The following ZNF385D variants were observed in gnomAD, a reference collection of about 807,000 sequenced individuals.
ZNF385D encodes zinc finger protein 385D, also known as zinc finger protein 659.
In ZNF385D, 15 loss-of-function variants were observed where a neutral mutation model predicts 35.8. The observed-to-expected ratio is 0.42, with a 90% confidence interval of 0.28 to 0.64. The LOEUF (loss-of-function observed/expected upper bound fraction) is 0.64. Among genes scored for constraint, ZNF385D ranks in the 30% least tolerant of loss-of-function variants. The pLI, the probability that ZNF385D is intolerant of heterozygous loss-of-function variation, is 0.23. For missense variants in ZNF385D, 474 were observed against 494.6 expected (o/e 0.96, Z 0.39); for synonymous variants, 212 against 186.8 (o/e 1.13, Z -1.10).
intron 3 of ZNF385D, among the ~76,000 whole-genome samples, chr3:21,857,290 T>C (rs911500386): frequency 1.1e-4 from 16 of 152,080 alleles, no homozygotes; most frequent in African/African-American, 3.4e-4. Context: ...CATGATTGGA[T>C]TGAAGGATGC....
chr3:21,581,958 T>C (rs1042868939), intron 2 of ZNF385D, among the ~76,000 whole-genome samples: 8 of 152,170 alleles, frequency 5.3e-5, no homozygotes, highest in African/African-American at 1.9e-4. Context: ...CTTTCTTAGA[T>C]TAAAATTTTT....
At chr3:21,495,045 T>C (rs1436282426) in intron 4 of ZNF385D, among the ~76,000 whole-genome samples, 2 of 152,168 alleles carry the variant, frequency 1.3e-5, no homozygotes, top group African/African-American at 4.8e-5. Context: ...AGAGTGAAGA[T>C]ATCTTAAGGC....
intron 2 of ZNF385D, among the ~76,000 whole-genome samples, chr3:22,191,479 C>T (rs1197818359): frequency 6.9e-6 from 1 of 144,674 alleles, no homozygotes; most frequent in African/African-American, 2.6e-5. Flanking sequence ...AAGAGTGAAA[C>T]TCCATCTAAG....
chr3:21,412,554 G>C lies in ZNF385D; in HGVS notation c.*8660C>G, dbSNP rs886142112. 1 of 151,992 alleles carries C rather than the reference G, an allele frequency of 6.6e-6. No homozygotes were observed. The highest frequency in any genetic ancestry group is 1.5e-5 in the Non-Finnish European group (1 of 67,974). The allele number at this position is 151,992 out of a possible 1,614,324, so 9.4% of individuals were successfully genotyped here. A position where few individuals can be genotyped will look rare whatever the true frequency, so the allele number is the denominator to read the frequency against. The stretch of plus-strand genomic sequence containing the variant: ...ACCATTTTGATTCCACAAACCAAGC[G>C]AAGAATAAGGACATGAACAGACCAA... On this transcript the variant is annotated 3_prime_UTR_variant, in exon 8 of 8. Coordinates refer to ENST00000281523, the MANE Select transcript of ZNF385D (RefSeq NM_024697.3).
intron 3 of ZNF385D, among the ~76,000 whole-genome samples, chr3:21,899,735 G>T (rs1185374804): frequency 2.6e-5 from 4 of 151,926 alleles, no homozygotes; most frequent in Non-Finnish European, 2.9e-5. Context: ...CTTTATATTT[G>T]CTCCTACTAA....
At chr3:21,786,979 C>G (rs775994309) in intron 3 of ZNF385D, among the ~76,000 whole-genome samples, 1 of 152,080 alleles carries the variant, frequency 6.6e-6, no homozygotes, top group Admixed American at 6.5e-5. Flanking sequence ...GAATTGAACA[C>G]GTGTTTATCT....
chr3:21,957,543 G>C (rs147233052), intron 3 of ZNF385D, among the ~76,000 whole-genome samples: 1 of 152,102 alleles, frequency 6.6e-6, no homozygotes, highest in African/African-American at 2.4e-5. Flanking sequence ...GGTGACTCTT[G>C]TTTTGTTTTA....
rs77576957 is a variant in ZNF385D at position 21,461,875 on chromosome 3, A to G, written c.440-24672T>C. On this transcript the variant is annotated intron_variant, in intron 4 of 7. Transcript: ENST00000281523. Reference sequence around the variant, plus strand: ...TTGCTGCTGAAACTTGGACAAAGACATATCTGTGGCCTTATTAATATTATT... The same window carrying G: ...TTGCTGCTGAAACTTGGACAAAGACGTATCTGTGGCCTTATTAATATTATT... Among the ~76,000 whole-genome samples the G allele has an allele frequency of 1.2e-3, 184 of 152,314 alleles. 4 individuals are homozygous for G. The East Asian group carries it at 0.032, about 26-fold the overall frequency.
At chr3:21,989,449 T>C (rs1695024103) in intron 3 of ZNF385D, among the ~76,000 whole-genome samples, 2 of 152,334 alleles carry the variant, frequency 1.3e-5, no homozygotes, top group Non-Finnish European at 2.9e-5. Context: ...AAACTAATTA[T>C]TTGTGGATTA....
At chr3:21,441,215 CACTCA>C (rs1701841523) in intron 4 of ZNF385D, among the ~76,000 whole-genome samples, 1 of 152,040 alleles carries the variant, frequency 6.6e-6, no homozygotes, top group African/African-American at 2.4e-5. Flanking sequence ...ATGAAATGGG[CACTCA>C]ATAAATATTA....
chr3:22,212,490 GT>G (rs1156444247), intron 2 of ZNF385D, among the ~76,000 whole-genome samples: 1 of 151,988 alleles, frequency 6.6e-6, no homozygotes, highest in African/African-American at 2.4e-5. Context: ...TTGGAAGCAC[GT>G]TAGCAACGTT....
chr3:22,266,954 T>A (rs550256216), intron 2 of ZNF385D, among the ~76,000 whole-genome samples: 1 of 151,878 alleles, frequency 6.6e-6, no homozygotes, highest in Non-Finnish European at 1.5e-5. Flanking sequence ...GTAACGACAA[T>A]AAATATAGTA....
chr3:21,728,396 C>T (rs9825427), intron 1 of ZNF385D, among the ~76,000 whole-genome samples: 5,806 of 151,974 alleles, frequency 0.038, 212 homozygotes, highest in African/African-American at 0.093. Flanking sequence ...CAGAATTTAA[C>T]GTTTTACCAG....
intron 3 of ZNF385D, among the ~76,000 whole-genome samples, chr3:21,868,872 T>A (rs1005440879): frequency 6.6e-6 from 1 of 152,242 alleles, no homozygotes; most frequent in East Asian, 1.9e-4. Flanking sequence ...ATCTGTTACA[T>A]GGACACTCGA....
intron 1 of ZNF385D, among the ~76,000 whole-genome samples, chr3:21,715,606 G>C (rs890836861): frequency 2.7e-5 from 4 of 150,666 alleles, no homozygotes; most frequent in African/African-American, 7.3e-5. Context: ...TTTTTCCTTT[G>C]AGTAGACACC....
intron 2 of ZNF385D, among the ~76,000 whole-genome samples, chr3:22,342,325 A>G (rs1695464808): frequency 6.6e-6 from 1 of 150,604 alleles, no homozygotes; most frequent in African/African-American, 2.4e-5. Flanking sequence ...ACTATCAATG[A>G]TAATTTCATT....
At chr3:22,231,788 G>A (rs1418996290) in intron 2 of ZNF385D, among the ~76,000 whole-genome samples, 1 of 152,056 alleles carries the variant, frequency 6.6e-6, no homozygotes, top group Non-Finnish European at 1.5e-5. Context: ...CAATGTTGAA[G>A]GTGGGCCCTG....
chr3:21,472,795 G>T (rs979923395), intron 4 of ZNF385D, among the ~76,000 whole-genome samples: 2 of 151,970 alleles, frequency 1.3e-5, no homozygotes, highest in Non-Finnish European at 2.9e-5. Flanking sequence ...GTAACCAATC[G>T]AGTTGTTTCT....
chr3:22,228,843 C>T (rs1386351489), intron 2 of ZNF385D, among the ~76,000 whole-genome samples: 1 of 152,176 alleles, frequency 6.6e-6, no homozygotes, highest in Non-Finnish European at 1.5e-5. Flanking sequence ...CATCTTTTTC[C>T]CATGTTGGAT....
Sources: allele counts gnomAD v4.1 joint callset (sites outside exome capture counted in the v4.1 genomes callset), GRCh38; gene constraint gnomAD v4.1.1; transcripts MANE v1.5; gene names NCBI Gene and HGNC (gene_info 2026-07-23, HGNC 2026-07-21).